EXOC4: variants seen among roughly 807,000 people sequenced by gnomAD.
EXOC4 encodes SEC8-like 1.
In EXOC4, 71 loss-of-function variants were observed where a neutral mutation model predicts 107.2. The observed-to-expected ratio is 0.66, with a 90% CI of 0.55 to 0.81. The LOEUF (loss-of-function observed/expected upper bound fraction) is 0.81. EXOC4 is among the 30% of genes least tolerant of loss of function. The pLI is 0.00. For synonymous variants in EXOC4, 456 were observed against 441.2 expected, an observed-to-expected ratio of 1.03 and a Z score of -0.42; for missense variants, 1,108 against 1,189.6, an observed-to-expected ratio of 0.93 and a Z score of 1.01.
intron 7 of EXOC4, among the ~76,000 whole-genome samples, chr7:133,382,117 G>A (rs1796631793): frequency 6.6e-6 from 1 of 152,054 alleles, no homozygotes; most frequent in Non-Finnish European, 1.5e-5. Context: ...AGTAGAGAGG[G>A]TAGAGACTAA....
At chr7:133,955,448 C>T (rs143591526) in intron 14 of EXOC4, among the ~76,000 whole-genome samples, 1,704 of 152,198 alleles carry the variant, frequency 0.011, 17 homozygotes, top group Non-Finnish European at 0.017. Flanking sequence ...GTCATCCTGT[C>T]GAGTGCTTAA....
intron 7 of EXOC4, among the ~76,000 whole-genome samples, chr7:133,398,406 A>G (rs1208827754): frequency 6.6e-6 from 1 of 152,238 alleles, no homozygotes; most frequent in Non-Finnish European, 1.5e-5. Flanking sequence ...ATAGGGCTGT[A>G]GCAGCATTTT....
intron 14 of EXOC4, among the ~76,000 whole-genome samples, chr7:133,967,846 C>G (rs1290933582): frequency 1.3e-5 from 2 of 152,036 alleles, no homozygotes; most frequent in African/African-American, 4.8e-5. Flanking sequence ...CTATTAGGTC[C>G]ACTTGGTCCA....
At chr7:133,376,144 A>T (rs570479638) in intron 7 of EXOC4, among the ~76,000 whole-genome samples, 1 of 152,300 alleles carries the variant, frequency 6.6e-6, no homozygotes, top group South Asian at 2.1e-4. Context: ...GGTGGATTGA[A>T]TGGATTGATT....
chr7:133,459,315 A>G (rs942767975), intron 7 of EXOC4, among the ~76,000 whole-genome samples: 1 of 152,162 alleles, frequency 6.6e-6, no homozygotes, highest in East Asian at 1.9e-4. Flanking sequence ...TCCTCATCCC[A>G]TTGGATGTTC....
intron 12 of EXOC4, among the ~76,000 whole-genome samples, chr7:133,902,282 A>G (rs563431277): frequency 9.8e-5 from 15 of 152,354 alleles, no homozygotes; most frequent in African/African-American, 3.6e-4. Flanking sequence ...TTATTTCGGC[A>G]TCACAAGATC....
At chr7:133,968,144 T>C (rs1300200347) in intron 14 of EXOC4, among the ~76,000 whole-genome samples, 1 of 152,182 alleles carries the variant, frequency 6.6e-6, no homozygotes, top group Non-Finnish European at 1.5e-5. Flanking sequence ...TCTGAGACTA[T>C]GATTGCAACC....
chr7:133,831,263 G>A (rs771931218), intron 11 of EXOC4, among the ~76,000 whole-genome samples: 6 of 152,066 alleles, frequency 3.9e-5, no homozygotes, highest in East Asian at 1.9e-4. Context: ...ACACCTGGCC[G>A]ACCTTGACAG....
intron 10 of EXOC4, among the ~76,000 whole-genome samples, chr7:133,792,553 C>CAA (rs56408972): frequency 0.12 from 8,513 of 73,590 alleles, 881 homozygotes; most frequent in East Asian, 0.15. Flanking sequence ...ACCCTGTCTC[C>CAA]AAAAAAAAAA....
chr7:133,883,718 A>G (rs1218920438), intron 11 of EXOC4, among the ~76,000 whole-genome samples: 1 of 152,116 alleles, frequency 6.6e-6, no homozygotes, highest in Non-Finnish European at 1.5e-5. Flanking sequence ...TGACATGAAC[A>G]CTCATTTCTG....
At chr7:133,649,319 TTTAG>T (rs1199905821) in intron 10 of EXOC4, among the ~76,000 whole-genome samples, 1 of 152,156 alleles carries the variant, frequency 6.6e-6, no homozygotes, top group Non-Finnish European at 1.5e-5. Flanking sequence ...TATCATTGCA[TTTAG>T]TTATGTTTCA....
chr7:133,317,586 C>A lies in EXOC4; in HGVS notation c.763+196C>A, dbSNP rs542579231. Among the ~76,000 whole-genome samples, 6 of 152,296 alleles carry A rather than the reference C, an allele frequency of 3.9e-5. No homozygotes were observed. The South Asian group carries it at 1.2e-3, about 32-fold the overall frequency. On this transcript the variant is annotated intron_variant, in intron 5 of 17. Coordinates refer to ENST00000253861, the MANE Select transcript of EXOC4 (RefSeq NM_021807.4). ...TGTACAGTGATTTATTGGGCTGTTG[C>A]ATTATCAGGGTTGAAAAGTGGCAGC... is the stretch of plus-strand genomic sequence containing the variant.
intron 12 of EXOC4, among the ~76,000 whole-genome samples, chr7:133,897,655 T>C (rs1799350533): frequency 1.3e-5 from 2 of 152,252 alleles, no homozygotes; most frequent in Admixed American, 1.3e-4. Context: ...GTATTTTAAA[T>C]GTATAATGGA....
intron 9 of EXOC4, among the ~76,000 whole-genome samples, chr7:133,483,842 T>A (rs2095360005): frequency 6.6e-6 from 1 of 152,202 alleles, no homozygotes; most frequent in South Asian, 2.1e-4. Flanking sequence ...CCTTTTTCAG[T>A]TATTCCATTA....
At chr7:133,380,198 C>G (rs1277734842) in intron 7 of EXOC4, among the ~76,000 whole-genome samples, 1 of 151,142 alleles carries the variant, frequency 6.6e-6, no homozygotes, top group Non-Finnish European at 1.5e-5. Context: ...TGTAACAAAC[C>G]TGCACGTTGT....
At chr7:133,557,964 G>T (rs1485776524) in intron 9 of EXOC4, among the ~76,000 whole-genome samples, 2 of 152,136 alleles carry the variant, frequency 1.3e-5, no homozygotes, top group Non-Finnish European at 2.9e-5. Flanking sequence ...ACTCCAGCCT[G>T]GGTAACAGAG....
At chr7:133,798,107 A>T (rs1170463988) in intron 10 of EXOC4, among the ~76,000 whole-genome samples, 1 of 152,154 alleles carries the variant, frequency 6.6e-6, no homozygotes, top group Non-Finnish European at 1.5e-5. Flanking sequence ...GCCCAAGCAA[A>T]TTATGAGTAT....
At chr7:133,533,346 CT>C (rs2150923623) in intron 9 of EXOC4, among the ~76,000 whole-genome samples, 1 of 152,122 alleles carries the variant, frequency 6.6e-6, no homozygotes, top group South Asian at 2.1e-4. Flanking sequence ...TGTTGAAATG[CT>C]TTTTGGTCTT....
chr7:133,326,874 C>T (rs190383726), intron 5 of EXOC4, among the ~76,000 whole-genome samples: 266 of 152,350 alleles, frequency 1.7e-3, no homozygotes, highest in African/African-American at 5.9e-3. Context: ...AGCTTCCTGG[C>T]CCCTTTGTTT....
Sources: gnomAD v4.1 joint callset for allele counts (sites outside exome capture counted in the v4.1 genomes callset) on GRCh38, gnomAD v4.1.1 for gene constraint, MANE v1.5 for transcripts, NCBI Gene and HGNC (gene_info 2026-07-23, HGNC 2026-07-21) for gene names.